Variants in HOXB9 observed in about 807,000 individuals in gnomAD.
The protein encoded by HOXB9 is homeobox B9, also known as homeobox protein Hox-B9.
Under a neutral mutation model 21.5 loss-of-function variants are expected in HOXB9, and 10 were observed. The ratio of observed to expected loss-of-function variants is 0.47; its 90% CI spans 0.29 to 0.79. HOXB9 has a LOEUF of 0.79. Ranked by LOEUF, HOXB9 falls within the 30% of genes least tolerant of loss-of-function variation. HOXB9 has a pLI of 0.10. For synonymous variants in HOXB9, 156 were observed against 151.2 expected (o/e 1.03, Z -0.23); for missense variants, 375 against 338.7 (o/e 1.11, Z -0.84).
Position 48,622,933 on chromosome 17 carries a change from C to G in HOXB9, c.720G>C (p.Met240Ile), listed in dbSNP as rs779317784. The G allele has an allele frequency of 6.2e-7, 1 of 1,614,038 alleles. No homozygotes were observed. The highest frequency in any genetic ancestry group is 8.5e-7 in the Non-Finnish European group (1 of 1,180,000). ...KIWFQNRRMK[M>I]KKMNKEQGKE ...TGCCCTGCTCCTTATTCATTTTCTT[C>G]ATTTTCATCCGCCGGTTCTGAAACC... Residue 240 changes from methionine to isoleucine, a missense_variant, in exon 2 of 2, where the codon ATG (methionine) becomes ATC (isoleucine). By Grantham distance (10) the Met-to-Ile change is conservative. Coordinates refer to ENST00000311177, the MANE Select transcript of HOXB9 (RefSeq NM_024017.5).
At chr17:48,625,117 G>A (rs1014078483) in intron 1 of HOXB9, among the ~76,000 whole-genome samples, 3 of 152,254 alleles carry the variant, frequency 2.0e-5, no homozygotes, top group Admixed American at 6.5e-5. Context: ...GGCGCATCCG[G>A]GGAGGGGGCT....
intron 1 of HOXB9, among the ~76,000 whole-genome samples, chr17:48,625,138 G>A (rs2070801189): frequency 6.6e-6 from 1 of 152,230 alleles, no homozygotes; most frequent in Non-Finnish European, 1.5e-5. Context: ...CAGTCACCGC[G>A]TCCTGGGCTT....
At chr17:48,625,171 T>C (rs1160038002) in intron 1 of HOXB9, among the ~76,000 whole-genome samples, 1 of 152,206 alleles carries the variant, frequency 6.6e-6, no homozygotes, top group African/African-American at 2.4e-5. Flanking sequence ...CTGTCGCCGG[T>C]TGCGGACTCT....
chr17:48,623,468 C>A (rs2070787432), intron 1 of HOXB9, among the ~76,000 whole-genome samples: 1 of 152,156 alleles, frequency 6.6e-6, no homozygotes, highest in African/African-American at 2.4e-5. Flanking sequence ...TGAAGTCCCA[C>A]CAGCAGCACT....
At chr17:48,623,713 C>G (rs1224826206) in intron 1 of HOXB9, among the ~76,000 whole-genome samples, 2 of 152,070 alleles carry the variant, frequency 1.3e-5, no homozygotes, top group Non-Finnish European at 2.9e-5. Flanking sequence ...GTAGAAATCT[C>G]CCCCCCTGCC....
In HOXB9 at chr17:48,625,901, G is replaced by A. The variant is rs1567677654; in HGVS notation, c.369C>T (p.Gly123=). The A allele has an allele frequency of 6.3e-7, 1 of 1,593,210 alleles. No homozygotes were observed. The highest frequency in any genetic ancestry group is 8.5e-7 in the Non-Finnish European group (1 of 1,172,922). ...QAAVKAEPLL[G]APGELLKQGT... ...CCTGTTTGAGCAGCTCCCCAGGCGC[G>A]CCCAGCAGCGGCTCCGCCTTCACCG... The change falls in exon 1 of 2, where the codon GGC becomes GGT. Residue 123 remains glycine, a synonymous_variant. Transcript: ENST00000311177.
chr17:48,625,633 G>A, intron 1 of HOXB9, 120 bp downstream of exon 1: 1 of 1,211,164 alleles, frequency 8.3e-7, no homozygotes, highest in Admixed American at 2.8e-5. Context: ...TCCTCCTCCC[G>A]GCCCGCTCTC....
At position 48,626,181 on chromosome 17, in the gene HOXB9, G is replaced by C; in HGVS notation, c.89C>G (p.Ser30Cys). The C allele has an allele frequency of 1.3e-6, 2 of 1,599,488 alleles. No individual in the cohort carries two copies. Among genetic ancestry groups the C allele is most frequent in the East Asian group, 2.2e-5 (1 of 44,840 alleles). The change falls in exon 1 of 2, where the codon TCT (serine) becomes TGT (cysteine). Residue 30 changes from serine to cysteine, a missense_variant. By Grantham distance (112) the Ser-to-Cys change is moderately radical (BLOSUM62 -1). Transcript: ENST00000311177. ...CTGCCGCGAGCTCGCGTACTGGCCAGAAGGAAACTTGGCTGGAGGCGCGTC... is the reference window on the plus strand; with the variant it reads ...CTGCCGCGAGCTCGCGTACTGGCCACAAGGAAACTTGGCTGGAGGCGCGTC... Reference protein sequence around the residue: ...SEDAPPAKFPSGQYASSRQPG... With the variant: ...SEDAPPAKFPCGQYASSRQPG...
At position 48,621,953 on chromosome 17, in the gene HOXB9, C is replaced by T; in HGVS notation, c.*947G>A. The T allele has an allele frequency of 6.6e-6, 1 of 152,394 alleles. No individual in the cohort carries two copies. Among genetic ancestry groups the T allele is most frequent in the Non-Finnish European group, 1.5e-5 (1 of 68,094 alleles). 9.4% of individuals were successfully genotyped at this position (152,394 alleles called of 1,614,324 possible). Reference sequence around the variant, plus strand: ...GAGCTAGGGAGGGTGCGGAAGAATGCAGGGCCGGTCGAGAGCAAGAGAAGC... The same window carrying T: ...GAGCTAGGGAGGGTGCGGAAGAATGTAGGGCCGGTCGAGAGCAAGAGAAGC... On this transcript the variant is annotated 3_prime_UTR_variant, in exon 2 of 2. Transcript: ENST00000311177.
Position 48,621,717 on chromosome 17 carries a change from G to A in HOXB9, c.*1183C>T, listed in dbSNP as rs953752502. ...GAACGCGCAGAGCGTTGCGCGCTGG[G>A]GCCGTTGCTCCTCCCTGTCCCAGAC... On this transcript the variant is annotated 3_prime_UTR_variant, in exon 2 of 2. Coordinates refer to ENST00000311177, the MANE Select transcript of HOXB9 (RefSeq NM_024017.5). The A allele has an allele frequency of 7.9e-5, 12 of 152,330 alleles. No homozygotes were observed. Among genetic ancestry groups the A allele is most frequent in the Admixed American group, 5.9e-4 (9 of 15,290 alleles). 9.4% of individuals were successfully genotyped at this position (152,330 alleles called of 1,614,324 possible).
In HOXB9 at chr17:48,626,042, G is replaced by T. The variant is rs1029821846; in HGVS notation, c.228C>A (p.Ser76=). ...LSPHASGSLP[S]VYHPYIQPQG... is the part of the protein sequence containing the mutation. ...GGGGCTGGATGTAAGGGTGGTAGACGGACGGCAGGCTCCCGGACGCGTGCG... is the reference window on the plus strand; with the variant it reads ...GGGGCTGGATGTAAGGGTGGTAGACTGACGGCAGGCTCCCGGACGCGTGCG... Residue 76 remains serine (S), a synonymous_variant, in exon 1 of 2, where the codon TCC becomes TCA. Coordinates refer to ENST00000311177, the MANE Select transcript of HOXB9 (RefSeq NM_024017.5). The T allele has an allele frequency of 1.3e-6, 2 of 1,578,422 alleles. No homozygotes were observed. Among genetic ancestry groups the T allele is most frequent in the African/African-American group, 1.3e-5 (1 of 74,736 alleles).
At chr17:48,624,607 G>C (rs1352405089) in intron 1 of HOXB9, among the ~76,000 whole-genome samples, 9 of 152,138 alleles carry the variant, frequency 5.9e-5, no homozygotes, top group African/African-American at 9.7e-5. Context: ...CCGTCAATGG[G>C]AAATCTAGCA....
rs1206969282 is a variant in HOXB9 at position 48,626,066 on chromosome 17, C to T, written c.204G>A (p.Pro68=). ...CGGACGGCAGGCTCCCGGACGCGTG[C>T]GGGCTCAGCGGCGCCCAGGAGGCGC... is the stretch of plus-strand genomic sequence containing the variant. ...VFGASWAPLS[P]HASGSLPSVY... The change falls in exon 1 of 2, where the codon CCG becomes CCA. Residue 68 remains proline (P), a synonymous_variant. Coordinates refer to ENST00000311177, the MANE Select transcript of HOXB9 (RefSeq NM_024017.5). The T allele has an allele frequency of 1.9e-6, 3 of 1,577,136 alleles. No homozygotes were observed. Among genetic ancestry groups the T allele is most frequent in the South Asian group, 2.3e-5 (2 of 87,626 alleles).
Position 48,625,981 on chromosome 17 carries a change from T to G in HOXB9, c.289A>C (p.Thr97Pro). ...CCGCGCGGCGCCGGCTCCAGCCAGG[T>G]GCGGAGGTACCTGCTCTCGGCCGGC... ...VPPAESRYLRTWLEPAPRGEA... is the reference protein window; with the variant it reads ...VPPAESRYLRPWLEPAPRGEA... The change falls in exon 1 of 2, where the codon ACC becomes CCC. Residue 97 changes from threonine (T) to proline (P), a missense_variant. Thr to Pro is a conservative substitution (Grantham distance 38). Coordinates refer to ENST00000311177, the MANE Select transcript of HOXB9 (RefSeq NM_024017.5). 1 of 1,535,218 alleles carries G rather than the reference T, an allele frequency of 6.5e-7. No individual in the cohort carries two copies. Among genetic ancestry groups the G allele is most frequent in the Non-Finnish European group, 8.7e-7 (1 of 1,147,706 alleles).
At position 48,625,893 on chromosome 17, in the gene HOXB9, C is replaced by A; in HGVS notation, c.377G>T (p.Gly126Val). ...VKAEPLLGAP[G>V]ELLKQGTPEY... The stretch of plus-strand genomic sequence containing the variant: ...GGGCGTGCCCTGTTTGAGCAGCTCC[C>A]CAGGCGCGCCCAGCAGCGGCTCCGC... Residue 126 changes from glycine to valine, a missense_variant, in exon 1 of 2, where the codon GGG (glycine) becomes GTG (valine). Transcript: ENST00000311177. The A allele has an allele frequency of 3.1e-6, 5 of 1,597,330 alleles. No homozygotes were observed. Among genetic ancestry groups the A allele is most frequent in the Non-Finnish European group, 4.3e-6 (5 of 1,174,334 alleles).
Position 48,626,219 on chromosome 17 carries a change from A to C in HOXB9, c.51T>G (p.Ser17Arg), listed in dbSNP as rs1441279502. The C allele has an allele frequency of 9.4e-6, 15 of 1,598,946 alleles. No homozygotes were observed. Among genetic ancestry groups the C allele is most frequent in the Non-Finnish European group, 1.2e-5 (14 of 1,179,656 alleles). Residue 17 changes from serine (S) to arginine (R), a missense_variant, in exon 1 of 2, where the codon AGT becomes AGG. Physicochemically the swap from Ser to Arg is moderately radical, Grantham distance 110. Transcript: ENST00000311177. ...LSSYYVDSII[S>R]HESEDAPPAK... is the part of the protein sequence containing the mutation. ...CTGGAGGCGCGTCCTCACTCTCGTG[A>C]CTTATGATCGAGTCGACATAATAGC... is the stretch of plus-strand genomic sequence containing the variant.
chr17:48,623,586 G>T (rs1032367397), intron 1 of HOXB9, among the ~76,000 whole-genome samples: 1 of 152,040 alleles, frequency 6.6e-6, no homozygotes. Context: ...CTGCATTTGG[G>T]GTGTCACTTC....
intron 1 of HOXB9, among the ~76,000 whole-genome samples, chr17:48,624,770 C>A (rs2070797258): frequency 6.6e-6 from 1 of 152,114 alleles, no homozygotes; most frequent in Admixed American, 6.5e-5. Context: ...ACCCTCTCTT[C>A]TCATCTAGTA....
intron 1 of HOXB9, among the ~76,000 whole-genome samples, chr17:48,623,838 A>C (rs1366370641): frequency 6.6e-6 from 1 of 152,194 alleles, no homozygotes; most frequent in Non-Finnish European, 1.5e-5. Flanking sequence ...TGGACAGGGG[A>C]GCACTGGGGG....
Sources: allele counts gnomAD v4.1 joint callset (sites outside exome capture counted in the v4.1 genomes callset), GRCh38; gene constraint gnomAD v4.1.1; transcripts MANE v1.5; gene names NCBI Gene and HGNC (gene_info 2026-07-23, HGNC 2026-07-21).